Variants in CA4 observed in about 807,000 individuals in gnomAD.
The protein encoded by CA4 is carbonic anhydrase 4.
Under a neutral mutation model 34.5 loss-of-function variants are expected in CA4, and 24 were observed. The ratio of observed to expected loss-of-function variants is 0.70; its 90% confidence interval spans 0.50 to 0.98. The LOEUF (loss-of-function observed/expected upper bound fraction) is 0.98. Ranked by LOEUF, CA4 falls within the 50% of genes least tolerant of loss-of-function variation. The probability of loss-of-function intolerance (pLI) is 0.00; values close to 1 mark genes in which losing one functional copy is unlikely to be tolerated. For synonymous variants in CA4, 178 were observed against 170.6 expected (o/e 1.04, Z -0.34); for missense variants, 394 against 396.7 (o/e 0.99, Z 0.06).
chr17:60,156,924 G>A lies in CA4; in HGVS notation c.268+209G>A. On this transcript the variant is annotated intron_variant, in intron 3 of 7. Coordinates refer to ENST00000300900, the MANE Select transcript of CA4 (RefSeq NM_000717.5). ...TTGTCAGACCAGTCTGGGATGTGGG[G>A]GCAGGAAACGTTCCAGGAAGAAGGA... 3 of 623,280 alleles carry A rather than the reference G, an allele frequency of 4.8e-6. No homozygotes were observed. The South Asian group carries it at 5.5e-5, about 12-fold the overall frequency. 38.6% of individuals were successfully genotyped at this position (623,280 alleles called of 1,614,324 possible).
At chr17:60,157,984 C>T (rs1430313946) in intron 5 of CA4, 77 bp from the exon 6 acceptor site, 1 of 1,583,514 alleles carries the variant, frequency 6.3e-7, no homozygotes, top group Admixed American at 1.8e-5. Context: ...GCCTTCCGCC[C>T]CCAGATCGGG....
Position 60,150,028 on chromosome 17 carries a change from C to T in CA4, c.-7C>T. 6.2e-7 allele frequency: 1 copy of T among 1,602,300 alleles called. No individual in the cohort carries two copies. Among genetic ancestry groups the T allele is most frequent in the South Asian group, 1.1e-5 (1 of 90,868 alleles). ...CCGGCTCAGAGGACTCTTTGCTGTC[C>T]CGCAAGATGCGGATGCTGCTGGCGC... is the stretch of plus-strand genomic sequence containing the variant. On this transcript the variant is annotated 5_prime_UTR_variant, in exon 1 of 8. Coordinates refer to ENST00000300900, the MANE Select transcript of CA4 (RefSeq NM_000717.5).
chr17:60,175,194 T>A (rs1260593914), downstream of CA4, among the ~76,000 whole-genome samples: 1 of 148,624 alleles, frequency 6.7e-6, no homozygotes, highest in Non-Finnish European at 1.5e-5. Context: ...AGCTGATTTT[T>A]TTTTTTTTTT....
rs760920000 is a variant in CA4, at chr17:60,158,486, T to C, written c.744+40T>C. ...GGGCAGGGCATGGGCTCCCACTGCC[T>C]GGCTCCCCAGAAATTATCCCTCTGT... On this transcript the variant is annotated intron_variant, in intron 7 of 7. Transcript: ENST00000300900. 2.5e-6 allele frequency: 4 copies of C among 1,600,902 alleles called. No homozygotes were observed. The Admixed American group carries it at 6.7e-5, about 27-fold the overall frequency.
chr17:60,158,917 C>G lies in CA4; in HGVS notation c.745-313C>G, dbSNP rs1051763259. On this transcript the variant is annotated intron_variant, in intron 7 of 7. Coordinates refer to ENST00000300900, the MANE Select transcript of CA4 (RefSeq NM_000717.5). ...TCTGGGGCCCAACAAGCCCGCCCCC[C>G]AGCTGATGCTAACGCATGCTCAAGT... The G allele has an allele frequency of 4.1e-5, 19 of 463,638 alleles. 1 individual carries two copies. Among genetic ancestry groups the G allele is most frequent in the South Asian group, 2.5e-4 (11 of 43,854 alleles). The allele number at this position is 463,638 out of a possible 1,614,324, so 28.7% of individuals were successfully genotyped here.
downstream of CA4, among the ~76,000 whole-genome samples, chr17:60,164,534 C>A (rs1243885611): frequency 6.6e-6 from 1 of 151,968 alleles, no homozygotes; most frequent in Non-Finnish European, 1.5e-5. Context: ...GTACTACAGG[C>A]GCATGCCACC....
intron 1 of CA4, among the ~76,000 whole-genome samples, chr17:60,150,720 G>A (rs1440868045): frequency 4.3e-5 from 5 of 117,068 alleles, no homozygotes; most frequent in African/African-American, 1.2e-4. Context: ...CTCAACGCAC[G>A]CCTTCTTTTC....
intron 1 of CA4, among the ~76,000 whole-genome samples, chr17:60,154,332 G>T (rs1017212669): frequency 3.9e-5 from 6 of 151,998 alleles, no homozygotes; most frequent in Non-Finnish European, 8.8e-5. Context: ...TCCTCCCCAA[G>T]GCCCTATGAG....
At chr17:60,167,032 G>A (rs554752681) in intron 5 of CA4, among the ~76,000 whole-genome samples, 25 of 152,270 alleles carry the variant, frequency 1.6e-4, no homozygotes, top group South Asian at 1.2e-3. Context: ...ACTTGAGTCC[G>A]CACACTTACA....
At chr17:60,157,966 G>T (rs1250058890) in intron 5 of CA4, 95 bp from the exon 6 acceptor site, 1 of 1,566,414 alleles carries the variant, frequency 6.4e-7, no homozygotes, top group South Asian at 1.2e-5. Context: ...AATCCCAGAA[G>T]CTGCCTGGCC....
At chr17:60,162,546 TACACAC>T (rs770876140), downstream of CA4, among the ~76,000 whole-genome samples, 53 of 132,218 alleles carry the variant, frequency 4.0e-4, no homozygotes, top group East Asian at 2.3e-3. Context: ...CTGCATGGGG[TACACAC>T]ACACACACAC....
downstream of CA4, among the ~76,000 whole-genome samples, chr17:60,162,856 C>G (rs796527701): frequency 1.3e-5 from 2 of 152,124 alleles, no homozygotes; most frequent in African/African-American, 4.8e-5. Context: ...TCCCCTGTGC[C>G]TCCTTGGCTC....
rs919323201 is a variant in CA4, at chr17:60,157,670, C to T, written c.415-20C>T. On this transcript the variant is annotated intron_variant, in intron 4 of 7. Coordinates refer to ENST00000300900, the MANE Select transcript of CA4 (RefSeq NM_000717.5). ...CCAGGCCCTTCATAGGTCCCCTTTT[C>T]ACCCCTCCACCCCGACCAGATGCAC... is the stretch of plus-strand genomic sequence containing the variant. 4 of 1,612,246 alleles carry T rather than the reference C, an allele frequency of 2.5e-6. No individual in the cohort carries two copies. Among genetic ancestry groups the T allele is most frequent in the East Asian group, 2.2e-5 (1 of 44,876 alleles).
At position 60,155,763 on chromosome 17, in the gene CA4, C is replaced by T. The variant is rs1302318957; in HGVS notation, c.112+396C>T. Among the ~76,000 whole-genome samples, 8 of 152,252 alleles carry T rather than the reference C, an allele frequency of 5.3e-5. No homozygotes were observed. The East Asian group carries it at 9.7e-4, about 18-fold the overall frequency. ...AGAGTGACCTGAGTCTTCACTGGCA[C>T]CTGCTGTCATCGAGAGGGCATGTTC... On this transcript the variant is annotated intron_variant, in intron 2 of 7. Transcript: ENST00000300900.
chr17:60,170,456 G>A (rs1460484512), intron 5 of CA4: 3 of 152,194 alleles, frequency 2.0e-5, no homozygotes, highest in Admixed American at 6.6e-5. Context: ...GTCCAGTTTG[G>A]AACTACAGTC....
downstream of CA4, among the ~76,000 whole-genome samples, chr17:60,173,703 G>A (rs72843523): frequency 6.2e-3 from 947 of 152,326 alleles, 6 homozygotes; most frequent in Non-Finnish European, 9.4e-3. Flanking sequence ...CCAACCCACA[G>A]ACCAGTGCAA....
chr17:60,173,879 C>T (rs1293308321), downstream of CA4, among the ~76,000 whole-genome samples: 5 of 152,250 alleles, frequency 3.3e-5, no homozygotes, highest in South Asian at 4.1e-4. Flanking sequence ...TGGCTGATTC[C>T]GATGATGCCG....
intron 7 of CA4, chr17:60,158,739 A>G: frequency 4.0e-6 from 2 of 501,042 alleles, no homozygotes; most frequent in Non-Finnish European, 7.3e-6. Context: ...AAGGACCCAA[A>G]TCCCTACCCT....
the CA4 span, among the ~76,000 whole-genome samples, chr17:60,176,758 T>C: frequency 7.9e-5 from 12 of 152,178 alleles, no homozygotes; most frequent in African/African-American, 2.9e-4. Flanking sequence ...CAGGGACTGG[T>C]GTTGTGGAAG....
Sources: allele counts gnomAD v4.1 joint callset (sites outside exome capture counted in the v4.1 genomes callset), GRCh38; gene constraint gnomAD v4.1.1; transcripts MANE v1.5; gene names NCBI Gene and HGNC (gene_info 2026-07-23, HGNC 2026-07-21).